Variants in FGGY observed in about 807,000 individuals in gnomAD.
FGGY encodes FGGY carbohydrate kinase domain containing.
In FGGY, 72 loss-of-function variants were observed where a neutral mutation model predicts 71.3. That is an observed-to-expected ratio of 1.01 (90% confidence interval 0.84 to 1.23). The LOEUF is 1.23. Among genes scored for constraint, FGGY ranks in the 50% most tolerant of loss-of-function variants. The probability of loss-of-function intolerance (pLI) is 0.00; values close to 1 mark genes in which losing one functional copy is unlikely to be tolerated. For synonymous variants in FGGY, 251 were observed against 250.3 expected (o/e 1.00, Z -0.02); for missense variants, 668 against 682.3 (o/e 0.98, Z 0.23).
chr1:59,488,546 ATAT>A (rs1477924241), intron 6 of FGGY, among the ~76,000 whole-genome samples: 5 of 148,236 alleles, frequency 3.4e-5, no homozygotes, highest in African/African-American at 1.2e-4. Context: ...TATTATGTAT[ATAT>A]TATATATATT....
At chr1:59,715,032 C>T (rs919211010) in intron 14 of FGGY, among the ~76,000 whole-genome samples, 1 of 152,262 alleles carries the variant, frequency 6.6e-6, no homozygotes, top group Non-Finnish European at 1.5e-5. Flanking sequence ...CTTTGTTTCC[C>T]CCTTTCAAGA....
rs78923650 is a variant in FGGY at position 59,406,423 on chromosome 1, T to C, written c.554+27586T>C. On this transcript the variant is annotated intron_variant, in intron 5 of 15. Coordinates refer to ENST00000303721, the MANE Select transcript of FGGY (RefSeq NM_018291.5). Reference sequence around the variant, plus strand: ...CATTTAAAATGCACCCCAAGCATTGTGCAAAAGTACTGTGTAGTGTTCAAG... The same window carrying C: ...CATTTAAAATGCACCCCAAGCATTGCGCAAAAGTACTGTGTAGTGTTCAAG... Among the ~76,000 whole-genome samples, 916 of 152,270 alleles carry C rather than the reference T, an allele frequency of 6.0e-3. 2 individuals carry two copies. Among genetic ancestry groups the C allele is most frequent in the Non-Finnish European group, 9.4e-3 (641 of 68,026 alleles).
At chr1:59,632,283 A>G (rs568413877) in intron 10 of FGGY, among the ~76,000 whole-genome samples, 4 of 152,330 alleles carry the variant, frequency 2.6e-5, no homozygotes, top group African/African-American at 4.8e-5. Flanking sequence ...GGAAAATTGT[A>G]GATAAATAAG....
At chr1:59,722,335 A>G (rs910796553) in intron 14 of FGGY, among the ~76,000 whole-genome samples, 6 of 152,190 alleles carry the variant, frequency 3.9e-5, no homozygotes. Flanking sequence ...CTTCTCCACT[A>G]TAAAATTACT....
At chr1:59,542,446 T>TA in intron 7 of FGGY, among the ~76,000 whole-genome samples, 2 of 65,942 alleles carry the variant, frequency 3.0e-5, no homozygotes, top group South Asian at 8.5e-4. Context: ...TGTTCTTTAC[T>TA]TTTTTTTTTT....
rs374417700 is a variant in FGGY, at chr1:59,318,622, C to G, written c.-14-2914C>G. On this transcript the variant is annotated intron_variant, in intron 1 of 15. Coordinates refer to ENST00000303721, the MANE Select transcript of FGGY (RefSeq NM_018291.5). ...GGAGTCAAAAGTGAGGAACCCAAGC[C>G]TGAGCACGTGGGCCAGCCCCATGGG... is the stretch of plus-strand genomic sequence containing the variant. The G allele has an allele frequency of 2.6e-5, 4 of 152,254 alleles. No homozygotes were observed. In the East Asian group the frequency reaches 7.7e-4, roughly 29 times the overall value. The allele number at this position is 152,254 out of a possible 1,614,324, so 9.4% of individuals were successfully genotyped here.
intron 7 of FGGY, among the ~76,000 whole-genome samples, chr1:59,514,520 GT>G (rs550519631): frequency 5.9e-5 from 9 of 152,252 alleles, no homozygotes; most frequent in Admixed American, 3.9e-4. Flanking sequence ...TAAGCCTTTT[GT>G]TCCCCGTAAA....
intron 6 of FGGY, among the ~76,000 whole-genome samples, chr1:59,489,887 C>T (rs1296023957): frequency 2.0e-5 from 3 of 151,980 alleles, no homozygotes; most frequent in Non-Finnish European, 4.4e-5. Flanking sequence ...AATTTTTTGT[C>T]TTATTTTGAT....
intron 2 of FGGY, among the ~76,000 whole-genome samples, chr1:59,338,627 T>G (rs2050062648): frequency 6.6e-6 from 1 of 152,162 alleles, no homozygotes; most frequent in Non-Finnish European, 1.5e-5. Flanking sequence ...CTAAGAGGAT[T>G]TTTTGACTTC....
At chr1:59,467,277 C>T (rs913755547) in intron 6 of FGGY, among the ~76,000 whole-genome samples, 1 of 151,978 alleles carries the variant, frequency 6.6e-6, no homozygotes. Context: ...GGCATGTTCT[C>T]ACTCATAGGT....
chr1:59,606,032 A>C (rs1367683787), intron 8 of FGGY, among the ~76,000 whole-genome samples: 1 of 152,138 alleles, frequency 6.6e-6, no homozygotes, highest in Non-Finnish European at 1.5e-5. Context: ...GATGAGAAAC[A>C]TGTACCACTG....
chr1:59,578,308 G>A, intron 8 of FGGY, among the ~76,000 whole-genome samples: 1 of 152,028 alleles, frequency 6.6e-6, no homozygotes, highest in East Asian at 1.9e-4. Flanking sequence ...ACTGGACGGA[G>A]AGATAGCCAG....
chr1:59,332,516 G>A (rs2153177218), intron 2 of FGGY, among the ~76,000 whole-genome samples: 1 of 152,312 alleles, frequency 6.6e-6, no homozygotes, highest in Non-Finnish European at 1.5e-5. Context: ...TTCCTCAGCT[G>A]TGGATGAGCA....
Position 59,608,026 on chromosome 1 carries a change from G to T in FGGY, c.1011+116G>T, listed in dbSNP as rs74086245. On this transcript the variant is annotated intron_variant, in intron 9 of 15. Coordinates refer to ENST00000303721, the MANE Select transcript of FGGY (RefSeq NM_018291.5). ...AGGATTTGCAGACCCCTGAATCGGG[G>T]TGTACTTTCTCTTAGTGCACAGCCT... The T allele has an allele frequency of 2.2e-3, 1,682 of 758,854 alleles. 23 individuals are homozygous for T. In the African/African-American group the frequency reaches 0.026, roughly 12 times the overall value. The allele number at this position is 758,854 out of a possible 1,614,324, so 47.0% of individuals were successfully genotyped here.
At chr1:59,482,210 A>G (rs1486354580) in intron 6 of FGGY, among the ~76,000 whole-genome samples, 1 of 152,186 alleles carries the variant, frequency 6.6e-6, no homozygotes, top group Non-Finnish European at 1.5e-5. Context: ...GTTGATGATC[A>G]TGTTTACCAA....
intron 8 of FGGY, among the ~76,000 whole-genome samples, chr1:59,600,350 A>G (rs12724194): frequency 0.099 from 15,056 of 152,194 alleles, 894 homozygotes; most frequent in South Asian, 0.3. Context: ...TCCCAGAGCT[A>G]CAGAACAAGA....
chr1:59,536,416 A>G (rs1290771189), intron 7 of FGGY, among the ~76,000 whole-genome samples: 1 of 152,248 alleles, frequency 6.6e-6, no homozygotes, highest in Non-Finnish European at 1.5e-5. Flanking sequence ...AGTAAGTGGT[A>G]CCATTCCTTC....
chr1:59,625,856 G>A (rs2096851336), intron 9 of FGGY, 132 bp from the exon 10 acceptor site: 2 of 568,688 alleles, frequency 3.5e-6, no homozygotes, highest in Admixed American at 3.9e-5. Flanking sequence ...TGCTACATTG[G>A]CATTTTAATG....
chr1:59,337,786 A>G (rs1401910120), intron 2 of FGGY, among the ~76,000 whole-genome samples: 3 of 152,198 alleles, frequency 2.0e-5, no homozygotes, highest in Admixed American at 2.0e-4. Context: ...TTTTCTGCAT[A>G]TGAGATCATG....
Sources: allele counts gnomAD v4.1 joint callset (sites outside exome capture counted in the v4.1 genomes callset), GRCh38; gene constraint gnomAD v4.1.1; transcripts MANE v1.5; gene names NCBI Gene and HGNC (gene_info 2026-07-23, HGNC 2026-07-21).